B4GALNT2: variants seen among roughly 807,000 people sequenced by gnomAD.
B4GALNT2 encodes the protein beta-1,4-N-acetyl-galactosaminyltransferase 2 (SID blood group), also known as N-acetylneuraminylgalactosylglucosyl-glucoside beta-1,4-N- acetylgalactosaminyltransferase 2.
Under a neutral mutation model 51.1 loss-of-function variants are expected in B4GALNT2, and 42 were observed. That is an observed-to-expected ratio of 0.82 (90% CI 0.64 to 1.06). The LOEUF is 1.06. Among genes scored for constraint, B4GALNT2 ranks in the 50% least tolerant of loss-of-function variants. The pLI is 0.00. For synonymous variants in B4GALNT2, 253 were observed against 251.7 expected, an observed-to-expected ratio of 1.01 and a Z score of -0.05; for missense variants, 602 against 633.6, an observed-to-expected ratio of 0.95 and a Z score of 0.54.
chr17:49,163,998 A>G, intron 7 of B4GALNT2, 90 bp from the exon 8 acceptor site: 7 of 1,296,064 alleles, frequency 5.4e-6, no homozygotes, highest in Non-Finnish European at 6.5e-6. Context: ...CTGACAGGTT[A>G]TGGCAGAAAG....
chr17:49,142,020 T>A lies in B4GALNT2; in HGVS notation c.216-15T>A. ...CCCACCCAATCCATGTTTACAGTCC[T>A]CTTGCTTGTTTCAGGCTGTTCCCGA... On this transcript the variant is annotated splice_polypyrimidine_tract_variant and intron_variant, in intron 2 of 10. Coordinates refer to ENST00000393354, the MANE Select transcript of B4GALNT2 (RefSeq NM_001159387.2). The A allele has an allele frequency of 6.2e-7, 1 of 1,613,910 alleles. No individual in the cohort carries two copies. Among genetic ancestry groups the A allele is most frequent in the Non-Finnish European group, 8.5e-7 (1 of 1,180,000 alleles).
At chr17:49,136,632 C>T (rs2042593241) in intron 1 of B4GALNT2, among the ~76,000 whole-genome samples, 1 of 151,974 alleles carries the variant, frequency 6.6e-6, no homozygotes, top group Non-Finnish European at 1.5e-5. Context: ...CTGCAACCTC[C>T]ACCTCCTGGG....
chr17:49,169,589 A>T lies in B4GALNT2; in HGVS notation c.1382A>T (p.Gln461Leu). 6.2e-7 allele frequency: 1 copy of T among 1,613,154 alleles called. No homozygotes were observed. The highest frequency in any genetic ancestry group is 8.5e-7 in the Non-Finnish European group (1 of 1,180,018). Reference sequence around the variant, plus strand: ...TGCCCAGAAGTGATTATAGGTCACCAGTCTCGGTCTCCAGTGGTGGACTCA... The same window carrying T: ...TGCCCAGAAGTGATTATAGGTCACCTGTCTCGGTCTCCAGTGGTGGACTCA... ...GSCPEVIIGH[Q>L]SRSPVVDSEL... Residue 461 changes from glutamine to leucine, a missense_variant, in exon 11 of 11, where the codon CAG (glutamine) becomes CTG (leucine). Coordinates refer to ENST00000393354, the MANE Select transcript of B4GALNT2 (RefSeq NM_001159387.2).
At chr17:49,153,663 T>C (rs2042780740) in intron 4 of B4GALNT2, among the ~76,000 whole-genome samples, 1 of 151,632 alleles carries the variant, frequency 6.6e-6, no homozygotes, top group African/African-American at 2.4e-5. Context: ...TCTGCCACCA[T>C]GCCTGGCTAA....
At chr17:49,159,286 C>A in intron 6 of B4GALNT2, 69 bp downstream of exon 6, 1 of 1,473,766 alleles carries the variant, frequency 6.8e-7, no homozygotes, top group South Asian at 1.2e-5. Context: ...CTTTCAAAGT[C>A]TTCCTCCTTC....
intron 1 of B4GALNT2, among the ~76,000 whole-genome samples, chr17:49,139,858 G>A (rs1329101394): frequency 1.3e-5 from 2 of 151,722 alleles, no homozygotes; most frequent in Admixed American, 6.6e-5. Flanking sequence ...TGATCTGAAC[G>A]ATTTCTACTT....
intron 7 of B4GALNT2, 37 bp from the exon 8 acceptor site, chr17:49,164,051 C>A: frequency 6.3e-7 from 1 of 1,586,548 alleles, no homozygotes; most frequent in Non-Finnish European, 8.6e-7. Context: ...AAGCTTCCTA[C>A]AGGACAGAGC....
At position 49,176,690 on chromosome 17, in the gene B4GALNT2, A is replaced by C. The variant is rs2042991228; in HGVS notation, c.*6962A>C. The C allele has an allele frequency of 6.6e-6, 1 of 152,232 alleles. No individual in the cohort carries two copies. The highest frequency in any genetic ancestry group is 6.5e-5 in the Admixed American group (1 of 15,284). The allele number at this position is 152,232 out of a possible 1,614,324, so 9.4% of individuals were successfully genotyped here. A position where few individuals can be genotyped will look rare whatever the true frequency, so the allele number is the denominator to read the frequency against. ...CCAGATTTGGGGGCCTGTTCCCAAC[A>C]GCAGATTCTATGACCACTTCAGCCC... is the stretch of plus-strand genomic sequence containing the variant. On this transcript the variant is annotated 3_prime_UTR_variant, in exon 11 of 11. Transcript: ENST00000393354.
intron 3 of B4GALNT2, among the ~76,000 whole-genome samples, chr17:49,149,356 T>C (rs1287115106): frequency 6.6e-6 from 1 of 151,924 alleles, no homozygotes; most frequent in Admixed American, 6.6e-5. Flanking sequence ...CATTAAGACA[T>C]GTATAAGGGC....
At chr17:49,137,531 C>A (rs949704594) in intron 1 of B4GALNT2, among the ~76,000 whole-genome samples, 2 of 152,168 alleles carry the variant, frequency 1.3e-5, no homozygotes, top group Non-Finnish European at 2.9e-5. Context: ...ACATAAACTT[C>A]TGTTCCCTGT....
chr17:49,140,725 CT>C (rs3086734), intron 1 of B4GALNT2, among the ~76,000 whole-genome samples: 3 of 131,710 alleles, frequency 2.3e-5, no homozygotes, highest in Non-Finnish European at 1.6e-5. Flanking sequence ...CATTACTAAC[CT>C]TTTTTTTTTT....
upstream of B4GALNT2, among the ~76,000 whole-genome samples, chr17:49,129,792 G>C (rs12149969): frequency 0.53 from 80,189 of 151,806 alleles, 21,482 homozygotes; most frequent in Middle Eastern, 0.62. Flanking sequence ...CTCTGGTTGG[G>C]GAGGGATTTA....
chr17:49,162,148 C>T (rs1045505882), intron 7 of B4GALNT2, among the ~76,000 whole-genome samples: 1 of 151,310 alleles, frequency 6.6e-6, no homozygotes, highest in Admixed American at 6.6e-5. Flanking sequence ...CCACCATGCC[C>T]GGCTAATCAA....
chr17:49,155,941 AT>A (rs533887606), intron 4 of B4GALNT2, among the ~76,000 whole-genome samples: 161 of 151,956 alleles, frequency 1.1e-3, no homozygotes, highest in African/African-American at 3.8e-3. Context: ...GTTAGCCAGG[AT>A]GATCTCGATC....
chr17:49,168,942 A>G (rs770712662), intron 10 of B4GALNT2, 42 bp downstream of exon 10: 10 of 1,574,710 alleles, frequency 6.4e-6, no homozygotes, highest in Non-Finnish European at 8.6e-6. Context: ...TGGGCTGGGA[A>G]TTAGCTGCAG....
Position 49,156,610 on chromosome 17 carries a change from C to T in B4GALNT2, c.498+7C>T. The stretch of plus-strand genomic sequence containing the variant: ...CGATGCCCCCGTCTATGAGGTGAGT[C>T]CTTCTCCCAGCCCCTCTTTGCACTT... On this transcript the variant is annotated splice_region_variant and intron_variant, in intron 5 of 10. Coordinates refer to ENST00000393354, the MANE Select transcript of B4GALNT2 (RefSeq NM_001159387.2). 6.2e-7 allele frequency: 1 copy of T among 1,613,516 alleles called. No individual in the cohort carries two copies.
the B4GALNT2 span, among the ~76,000 whole-genome samples, chr17:49,126,396 A>G: frequency 6.6e-6 from 1 of 151,894 alleles, no homozygotes; most frequent in African/African-American, 2.4e-5. Context: ...TAGGAAAACC[A>G]GAGACCTTTG....
intron 1 of B4GALNT2, among the ~76,000 whole-genome samples, chr17:49,140,649 A>G (rs1166288043): frequency 6.6e-6 from 1 of 151,924 alleles, no homozygotes; most frequent in Non-Finnish European, 1.5e-5. Flanking sequence ...TGATCACTAT[A>G]AGTGGTCTTT....
the B4GALNT2 span, among the ~76,000 whole-genome samples, chr17:49,122,878 G>A: frequency 6.6e-6 from 1 of 152,328 alleles, no homozygotes; most frequent in African/African-American, 2.4e-5. Flanking sequence ...AGTAGAGTGA[G>A]TAAAGCAGTT....
Sources: gnomAD v4.1 joint callset for allele counts (sites outside exome capture counted in the v4.1 genomes callset) on GRCh38, gnomAD v4.1.1 for gene constraint, MANE v1.5 for transcripts, NCBI Gene and HGNC (gene_info 2026-07-23, HGNC 2026-07-21) for gene names.